C11orf91: variants seen among roughly 807,000 people sequenced by gnomAD.
The protein encoded by C11orf91 is uncharacterized protein C11orf91.
A neutral mutation model predicts 14.3 loss-of-function variants in C11orf91; 10 were observed. The ratio of observed to expected loss-of-function variants is 0.70; its 90% CI spans 0.43 to 1.18. The LOEUF (loss-of-function observed/expected upper bound fraction) is 1.18, where lower values mean the gene tolerates loss of function less well. Among genes scored for constraint, C11orf91 ranks in the 50% most tolerant of loss-of-function variants. The pLI is 0.00. For missense variants in C11orf91, 236 were observed against 269.0 expected, an observed-to-expected ratio of 0.88 and a Z score of 0.86; for synonymous variants, 141 against 130.6, an observed-to-expected ratio of 1.08 and a Z score of -0.54.
chr11:33,698,576 A>G (rs890795244), intron 1 of C11orf91, 62 bp from the exon 2 acceptor site: 25 of 1,184,094 alleles, frequency 2.1e-5, no homozygotes, highest in Non-Finnish European at 3.0e-5. Flanking sequence ...AACACTTCCA[A>G]AGCAAACTCT....
At chr11:33,703,842 C>T (rs1018201853), upstream of C11orf91, 8 of 152,346 alleles carry the variant, frequency 5.3e-5, no homozygotes, top group Admixed American at 2.6e-4. Flanking sequence ...GTGGAGGTTC[C>T]TGTCCAGCAT....
upstream of C11orf91, chr11:33,703,585 T>C (rs182421803): frequency 8.6e-4 from 131 of 152,366 alleles, no homozygotes; most frequent in African/African-American, 2.8e-3. Flanking sequence ...TTGAAAGATG[T>C]AGCTGTCGGC....
chr11:33,700,047 G>A (rs1025439296), intron 1 of C11orf91, among the ~76,000 whole-genome samples, 198 bp downstream of exon 1: 6 of 152,176 alleles, frequency 3.9e-5, no homozygotes, highest in African/African-American at 1.2e-4. Context: ...AGAGGCTCAT[G>A]AAGTTCAGAT....
intron 1 of C11orf91, 143 bp downstream of exon 1, chr11:33,700,102 T>C: frequency 1.2e-6 from 1 of 842,116 alleles, no homozygotes; most frequent in Non-Finnish European, 1.8e-6. Flanking sequence ...TAAGGGAGTC[T>C]GGGTGCTAGG....
rs1445166686 is a variant in C11orf91 at position 33,700,588 on chromosome 11, C to A, written c.153G>T (p.Ala51=). The A allele has an allele frequency of 6.9e-7, 1 of 1,459,514 alleles. No homozygotes were observed. Among genetic ancestry groups the A allele is most frequent in the Non-Finnish European group, 9.0e-7 (1 of 1,110,082 alleles). 90.4% of individuals were successfully genotyped at this position (1,459,514 alleles called of 1,614,324 possible). A position where few individuals can be genotyped will look rare whatever the true frequency, so the allele number is the denominator to read the frequency against. The part of the protein sequence containing the change: ...IWKKLFVPLK[A]GGAPVGGAAG... ...CCGCCCCGCCCACTGGCGCCCCGCC[C>A]GCCTTCAGCGGCACGAAGAGCTTCT... The change falls in exon 1 of 2, where the codon GCG becomes GCT. Residue 51 remains alanine, a synonymous_variant. Transcript: ENST00000379011.
At chr11:33,698,864 TC>T (rs1853072949) in intron 1 of C11orf91, among the ~76,000 whole-genome samples, 1 of 139,818 alleles carries the variant, frequency 7.2e-6, no homozygotes, top group Non-Finnish European at 1.5e-5. Flanking sequence ...TACTGCAACC[TC>T]GGCCTCCTGG....
At chr11:33,705,672 C>T (rs777854820), upstream of C11orf91, 4 of 152,184 alleles carry the variant, frequency 2.6e-5, no homozygotes, top group Non-Finnish European at 4.4e-5. Flanking sequence ...TCTCTCTAAC[C>T]CAGCTTGCAG....
At chr11:33,699,576 G>A (rs73480985) in intron 1 of C11orf91, 29,660 of 456,192 alleles carry the variant, frequency 0.065, 3,232 homozygotes, top group African/African-American at 0.34. Context: ...CTCGTAGGCT[G>A]AGGGATCCTG....
chr11:33,703,575 T>C (rs1853183965), upstream of C11orf91: 1 of 152,234 alleles, frequency 6.6e-6, no homozygotes, highest in African/African-American at 2.4e-5. Flanking sequence ...TCAGGGTCAG[T>C]TGAAAGATGT....
At chr11:33,701,615 A>G (rs138007043), upstream of C11orf91, among the ~76,000 whole-genome samples, 54 of 152,310 alleles carry the variant, frequency 3.5e-4, no homozygotes, top group Non-Finnish European at 7.2e-4. Context: ...CTGAGGGGAA[A>G]TAACTAATAC....
chr11:33,701,035 G>A (rs1853117840), upstream of C11orf91, among the ~76,000 whole-genome samples: 2 of 152,206 alleles, frequency 1.3e-5, no homozygotes, highest in Non-Finnish European at 2.9e-5. Context: ...CTCTTGCTCT[G>A]CGACCCCGCT....
chr11:33,698,884 G>A (rs924979479), intron 1 of C11orf91, among the ~76,000 whole-genome samples: 6 of 148,900 alleles, frequency 4.0e-5, no homozygotes, highest in Middle Eastern at 6.5e-3. Flanking sequence ...GGGTTCAAGC[G>A]ATTCTCCTGC....
chr11:33,702,768 C>T (rs1411402854), upstream of C11orf91: 1 of 359,736 alleles, frequency 2.8e-6, no homozygotes, highest in Non-Finnish European at 5.5e-6. Context: ...TTTTTTCACC[C>T]CTACAGAACC....
the C11orf91 span, chr11:33,706,279 G>GAT: frequency 6.6e-6 from 1 of 151,970 alleles, no homozygotes; most frequent in Non-Finnish European, 1.5e-5. Flanking sequence ...CTTTAGTTTA[G>GAT]ATAAATAAGA....
At position 33,700,552 on chromosome 11, in the gene C11orf91, C is replaced by G. The variant is rs1853106817; in HGVS notation, c.189G>C (p.Arg63=). The G allele has an allele frequency of 1.0e-5, 15 of 1,436,924 alleles. No homozygotes were observed. Among genetic ancestry groups the G allele is most frequent in the Non-Finnish European group, 1.4e-5 (15 of 1,098,522 alleles). The allele number at this position is 1,436,924 out of a possible 1,614,324, so 89.0% of individuals were successfully genotyped here. ...GAPVGGAAGA[R]SLSQALPAPA... ...GGGCGGGGAGCGCCTGGGACAGGGA[C>G]CGGGCCCCCGCCGCCCCGCCCACTG... Residue 63 remains arginine, a synonymous_variant, in exon 1 of 2, where the codon CGG becomes CGC. Coordinates refer to ENST00000379011, the MANE Select transcript of C11orf91 (RefSeq NM_001166692.2).
At chr11:33,706,224 C>T in the C11orf91 span, 3 of 152,030 alleles carry the variant, frequency 2.0e-5, no homozygotes, top group Non-Finnish European at 2.9e-5. Context: ...GTACTGTGGT[C>T]ATTTATCTTA....
At position 33,700,321 on chromosome 11, in the gene C11orf91, C is replaced by T. The variant is rs886224922; in HGVS notation, c.420G>A (p.Glu140=). The change falls in exon 1 of 2, where the codon GAG becomes GAA. Residue 140 remains glutamate, a synonymous_variant. Transcript: ENST00000379011. ...TAATCCGGATCTCCAGCTCGCAGAG[C>T]TCCTCCGGGTGGGAGGCAGAGGCGA... ...PRLASASHPE[E]LCELEIRIKE... is the part of the protein sequence containing the mutation. 2 of 1,535,296 alleles carry T rather than the reference C, an allele frequency of 1.3e-6. No homozygotes were observed. The highest frequency in any genetic ancestry group is 8.7e-7 in the Non-Finnish European group (1 of 1,146,688).
chr11:33,703,591 T>G (rs1165044982), upstream of C11orf91: 1 of 152,252 alleles, frequency 6.6e-6, no homozygotes, highest in Non-Finnish European at 1.5e-5. Context: ...GATGTAGCTG[T>G]CGGCCTGGTA....
In C11orf91 at chr11:33,700,525, CG is replaced by C. The variant is rs1853106146; in HGVS notation, c.215del (p.Pro72ArgfsTer98). 3 of 526,464 alleles carry C rather than the reference CG, an allele frequency of 5.7e-6. No individual in the cohort carries two copies. The highest frequency in any genetic ancestry group is 8.0e-6 in the Non-Finnish European group (3 of 373,424). The allele number at this position is 526,464 out of a possible 1,614,324, so 32.6% of individuals were successfully genotyped here. On this transcript the variant is annotated frameshift_variant, in exon 1 of 2. Coordinates refer to ENST00000379011, the MANE Select transcript of C11orf91 (RefSeq NM_001166692.2). LOFTEE classifies it high-confidence loss of function. The part of the protein sequence containing the change: ...ARSLSQALPA[P>X]APPPPPPPGL... ...CGGGTGGTGGCGGGGGCGGGGGCGC[CG>C]GGGCGGGGAGCGCCTGGGACAGGGA...
Sources: allele counts gnomAD v4.1 joint callset (sites outside exome capture counted in the v4.1 genomes callset), GRCh38; gene constraint gnomAD v4.1.1; transcripts MANE v1.5; gene names NCBI Gene and HGNC (gene_info 2026-07-23, HGNC 2026-07-21).